Variants in KLHL11 observed in about 807,000 individuals in gnomAD.
KLHL11 encodes the protein kelch like family member 11.
A neutral mutation model predicts 56.1 loss-of-function variants in KLHL11; 26 were observed. That is an observed-to-expected ratio of 0.46 (90% CI 0.34 to 0.64). The LOEUF (loss-of-function observed/expected upper bound fraction) is 0.64. Among genes scored for constraint, KLHL11 ranks in the 30% least tolerant of loss-of-function variants. The pLI, the probability that KLHL11 is intolerant of heterozygous loss-of-function variation, is 0.01. For synonymous variants in KLHL11, 338 were observed against 345.8 expected, an observed-to-expected ratio of 0.98 and a Z score of 0.25; for missense variants, 627 against 919.4, an observed-to-expected ratio of 0.68 and a Z score of 4.11.
chr17:41,861,471 G>A (rs941517685), intron 1 of KLHL11, among the ~76,000 whole-genome samples: 15 of 151,896 alleles, frequency 9.9e-5, no homozygotes, highest in Non-Finnish European at 1.9e-4. Flanking sequence ...AGGCCAAGGC[G>A]GGTCAGGAGT....
At chr17:41,864,009 CTT>C (rs2144166954) in intron 1 of KLHL11, among the ~76,000 whole-genome samples, 1 of 152,308 alleles carries the variant, frequency 6.6e-6, no homozygotes, top group African/African-American at 2.4e-5. Flanking sequence ...AGGAAAAGGA[CTT>C]TTGTCTGTTT....
intron 1 of KLHL11, among the ~76,000 whole-genome samples, chr17:41,858,218 C>CTTTT (rs1174225045): frequency 1.5e-4 from 18 of 116,400 alleles, no homozygotes; most frequent in South Asian, 2.8e-4. Context: ...TCACCAGCCT[C>CTTTT]TTTTTTTTTT....
chr17:41,857,268 A>G (rs543552099), intron 1 of KLHL11, among the ~76,000 whole-genome samples: 1 of 152,192 alleles, frequency 6.6e-6, no homozygotes, highest in African/African-American at 2.4e-5. Flanking sequence ...GCACTTTGGG[A>G]GGCCAAGGCG....
At chr17:41,857,741 T>G (rs2048375209) in intron 1 of KLHL11, among the ~76,000 whole-genome samples, 1 of 152,072 alleles carries the variant, frequency 6.6e-6, no homozygotes, top group African/African-American at 2.4e-5. Context: ...ACTCCTGGGC[T>G]CAAGCAATCC....
At chr17:41,857,091 G>A (rs1410781033) in intron 1 of KLHL11, among the ~76,000 whole-genome samples, 1 of 152,122 alleles carries the variant, frequency 6.6e-6, no homozygotes, top group Non-Finnish European at 1.5e-5. Flanking sequence ...AACTACTCAG[G>A]GGGCTTAGGC....
chr17:41,859,754 A>C (rs1555622904), intron 1 of KLHL11, among the ~76,000 whole-genome samples: 2 of 152,136 alleles, frequency 1.3e-5, no homozygotes. Flanking sequence ...GTGTAGGTTA[A>C]AAAACAAAAG....
intron 1 of KLHL11, among the ~76,000 whole-genome samples, chr17:41,862,637 T>A (rs1286892213): frequency 6.6e-6 from 1 of 151,966 alleles, no homozygotes; most frequent in East Asian, 1.9e-4. Flanking sequence ...GCTGGTCAAG[T>A]GATCCATCTG....
intron 1 of KLHL11, among the ~76,000 whole-genome samples, chr17:41,859,665 C>A (rs1485312436): frequency 6.6e-6 from 1 of 152,070 alleles, no homozygotes; most frequent in Non-Finnish European, 1.5e-5. Flanking sequence ...ATAAGAATTG[C>A]CTGAACCTGG....
At position 41,854,730 on chromosome 17, in the gene KLHL11, T is replaced by A. The variant is rs781979608; in HGVS notation, c.1137A>T (p.Gly379=). The A allele has an allele frequency of 1.2e-5, 20 of 1,614,032 alleles. No individual in the cohort carries two copies. The highest frequency in any genetic ancestry group is 2.7e-5 in the African/African-American group (2 of 74,930). The change falls in exon 2 of 2, where the codon GGA becomes GGT. Residue 379 remains glycine (G), a synonymous_variant. Coordinates refer to ENST00000319121, the MANE Select transcript of KLHL11 (RefSeq NM_018143.3). This position sits in a 1 kb window ranked among gnomAD's most constrained non-coding sequence, Gnocchi z 4.9. The stretch of plus-strand genomic sequence containing the variant: ...CCCATCTGTCCTCATCAACAAAGTA[T>A]CCCACACATTCACTTAAATAGTCCC... ...EGGDYLSECV[G]YFVDEDRWVN...
chr17:41,853,185 G>T lies in KLHL11; in HGVS notation c.*555C>A, dbSNP rs925872677. ...GTCACATCTTCTAGGAAGGAAACTG[G>T]CATTTCTAGATAAACATAAGAAAAT... On this transcript the variant is annotated 3_prime_UTR_variant, in exon 2 of 2. Transcript: ENST00000319121. Among the ~76,000 whole-genome samples the T allele has an allele frequency of 6.6e-6, 1 of 152,088 alleles. No individual in the cohort carries two copies. The highest frequency in any genetic ancestry group is 1.5e-5 in the Non-Finnish European group (1 of 68,020).
Position 41,852,648 on chromosome 17 carries a change from A to G in KLHL11, c.*1092T>C, listed in dbSNP as rs575207860. The stretch of plus-strand genomic sequence containing the variant: ...TCTACTAAAAGCACAAAAATTAGCC[A>G]GGCGTGATGGTGGGTACCTGTAATC... On this transcript the variant is annotated 3_prime_UTR_variant, in exon 2 of 2. Coordinates refer to ENST00000319121, the MANE Select transcript of KLHL11 (RefSeq NM_018143.3). Among the ~76,000 whole-genome samples, 7 of 151,920 alleles carry G rather than the reference A, an allele frequency of 4.6e-5. 1 individual carries two copies. The East Asian group carries it at 1.4e-3, about 30-fold the overall frequency.
chr17:41,852,562 G>A lies in KLHL11; in HGVS notation c.*1178C>T, dbSNP rs938516766. Among the ~76,000 whole-genome samples, 16 of 151,868 alleles carry A rather than the reference G, an allele frequency of 1.1e-4. No individual in the cohort carries two copies. Among genetic ancestry groups the A allele is most frequent in the East Asian group, 3.9e-4 (2 of 5,142 alleles). On this transcript the variant is annotated 3_prime_UTR_variant, in exon 2 of 2. Transcript: ENST00000319121. ...TCCCAGCACTTTGGGAGGCTGAGGC[G>A]GGCGTATCACCTGAGGTCAGGAGTT...
rs782338401 is a variant in KLHL11, at chr17:41,854,421, G to T, written c.1446C>A (p.His482Gln). 1.2e-6 allele frequency: 2 copies of T among 1,614,000 alleles called. No individual in the cohort carries two copies. The highest frequency in any genetic ancestry group is 1.7e-6 in the Non-Finnish European group (2 of 1,180,040). Residue 482 changes from histidine to glutamine, a missense_variant, in exon 2 of 2, where the codon CAC (histidine) becomes CAA (glutamine). His to Gln is a conservative substitution (Grantham distance 24, BLOSUM62 0). Coordinates refer to ENST00000319121, the MANE Select transcript of KLHL11 (RefSeq NM_018143.3). The surrounding 1 kb of genome is among the most constrained non-coding windows in gnomAD (Gnocchi z 4.9). ...TVYNPELDKWHNLESAPKILR... is the reference protein window; with the variant it reads ...TVYNPELDKWQNLESAPKILR... ...GAATCTTTGGTGCCGATTCCAAGTT[G>T]TGCCATTTATCAAGCTCAGGATTAT... is the stretch of plus-strand genomic sequence containing the variant.
intron 1 of KLHL11, among the ~76,000 whole-genome samples, chr17:41,861,488 C>A (rs2048402297): frequency 6.6e-6 from 1 of 152,010 alleles, no homozygotes; most frequent in African/African-American, 2.4e-5. Context: ...GAGTTCGAGA[C>A]CAGCCTGGCC....
At chr17:41,856,070 G>A (rs1462439726) in intron 1 of KLHL11, among the ~76,000 whole-genome samples, 4 of 144,870 alleles carry the variant, frequency 2.8e-5, no homozygotes, top group South Asian at 2.2e-4. Context: ...GGCTCACGGC[G>A]ACACCCTTCT....
At chr17:41,861,795 G>A (rs2048405129) in intron 1 of KLHL11, among the ~76,000 whole-genome samples, 2 of 151,626 alleles carry the variant, frequency 1.3e-5, no homozygotes, top group Non-Finnish European at 2.9e-5. Context: ...TGGTTGCAAG[G>A]ACTTTACTCC....
Position 41,865,422 on chromosome 17 carries a change from G to A in KLHL11, c.-52C>T, listed in dbSNP as rs1342406017. 9.5e-6 allele frequency: 11 copies of A among 1,163,472 alleles called. No individual in the cohort carries two copies. The highest frequency in any genetic ancestry group is 1.6e-5 in the African/African-American group (1 of 60,678). The allele number at this position is 1,163,472 out of a possible 1,614,324, so 72.1% of individuals were successfully genotyped here. On this transcript the variant is annotated 5_prime_UTR_variant, in exon 1 of 2. Transcript: ENST00000319121. ...CAGCCTCGGAACGATGCGGCTGTTG[G>A]TACGACACAGAGGGATTCTGGGATT...
chr17:41,853,627 TAATC>T lies in KLHL11; in HGVS notation c.*109_*112del, dbSNP rs782481584. 8.8e-6 allele frequency: 11 copies of T among 1,244,670 alleles called. No homozygotes were observed. The highest frequency in any genetic ancestry group is 1.2e-5 in the Non-Finnish European group (11 of 906,650). 77.1% of individuals were successfully genotyped at this position (1,244,670 alleles called of 1,614,324 possible). The stretch of plus-strand genomic sequence containing the variant: ...ACTCTATTTCCTTTATATGGGGTAA[TAATC>T]AGTTCATGTAGAAAATAAGTTATCG... On this transcript the variant is annotated 3_prime_UTR_variant, in exon 2 of 2. Coordinates refer to ENST00000319121, the MANE Select transcript of KLHL11 (RefSeq NM_018143.3).
chr17:41,864,796 G>GCCCTCCGCGCTCCCGCCT, intron 1 of KLHL11, 30 bp downstream of exon 1: 1 of 1,479,364 alleles, frequency 6.8e-7, no homozygotes, highest in Non-Finnish European at 9.0e-7. Context: ...CGCGCCCGCC[G>GCCCTCCGCGCTCCCGCCT]CCCTCCGCGC....
Sources: gnomAD v4.1 joint callset for allele counts (sites outside exome capture counted in the v4.1 genomes callset) on GRCh38, gnomAD v4.1.1 for gene constraint, Gnocchi (gnomAD v3.1) non-coding constraint, MANE v1.5 for transcripts, NCBI Gene and HGNC (gene_info 2026-07-23, HGNC 2026-07-21) for gene names.